The following PIGK variants were observed in gnomAD, a reference collection of about 807,000 sequenced individuals.
PIGK encodes the protein GPI-anchor transamidase.
In PIGK, 42 loss-of-function variants were observed where a neutral mutation model predicts 50.6. That is an observed-to-expected ratio of 0.83 (90% CI 0.65 to 1.07). The LOEUF (loss-of-function observed/expected upper bound fraction) is 1.07. Among genes scored for constraint, PIGK ranks in the 50% least tolerant of loss-of-function variants. The probability of loss-of-function intolerance (pLI) is 0.00; values close to 1 mark genes in which losing one functional copy is unlikely to be tolerated. For missense variants in PIGK, 448 were observed against 488.7 expected, an observed-to-expected ratio of 0.92 and a Z score of 0.78; for synonymous variants, 151 against 156.0, an observed-to-expected ratio of 0.97 and a Z score of 0.24.
intron 4 of PIGK, 51 bp downstream of exon 4, chr1:77,169,209 C>A (rs897605129): frequency 1.6e-6 from 2 of 1,224,258 alleles, no homozygotes; most frequent in African/African-American, 1.6e-5. Flanking sequence ...TGTTTTAGAG[C>A]CTAAAAGTAA....
intron 10 of PIGK, among the ~76,000 whole-genome samples, chr1:77,095,958 G>A (rs913755320): frequency 6.6e-6 from 1 of 152,008 alleles, no homozygotes; most frequent in Admixed American, 6.6e-5. Context: ...GGCTCTATGA[G>A]GAAAAATCCT....
At chr1:77,122,224 T>C (rs750897385) in intron 10 of PIGK, 51 bp downstream of exon 10, 10 of 1,170,668 alleles carry the variant, frequency 8.5e-6, no homozygotes, top group Middle Eastern at 3.9e-4. Flanking sequence ...CAATTACTTC[T>C]CAGCGATTAA....
At chr1:77,111,054 G>A (rs1268645449) in intron 10 of PIGK, among the ~76,000 whole-genome samples, 16 of 152,118 alleles carry the variant, frequency 1.1e-4, no homozygotes, top group Admixed American at 1.0e-3. Context: ...AAACCACAAT[G>A]AGATACCATC....
At chr1:77,174,231 G>A (rs1655430297) in intron 3 of PIGK, among the ~76,000 whole-genome samples, 1 of 152,158 alleles carries the variant, frequency 6.6e-6, no homozygotes, top group Admixed American at 6.5e-5. Context: ...GTTTTGCCTG[G>A]CTAAAGTGGG....
At chr1:77,213,899 T>C (rs941630334) in intron 1 of PIGK, among the ~76,000 whole-genome samples, 1 of 151,640 alleles carries the variant, frequency 6.6e-6, no homozygotes, top group Non-Finnish European at 1.5e-5. Context: ...GAGACTATTA[T>C]AAACAACTAT....
intron 3 of PIGK, among the ~76,000 whole-genome samples, chr1:77,184,790 G>A (rs1655701641): frequency 6.6e-6 from 1 of 152,144 alleles, no homozygotes; most frequent in Non-Finnish European, 1.5e-5. Context: ...TGACTGGTAG[G>A]GTGAGCACTA....
intron 3 of PIGK, among the ~76,000 whole-genome samples, chr1:77,191,517 C>T (rs1214595266): frequency 6.6e-6 from 1 of 152,180 alleles, no homozygotes; most frequent in Admixed American, 6.5e-5. Context: ...TAGGACTTGA[C>T]CACATCCTGA....
chr1:77,165,408 T>C (rs183072969), intron 5 of PIGK, among the ~76,000 whole-genome samples: 7 of 152,060 alleles, frequency 4.6e-5, no homozygotes, highest in African/African-American at 1.7e-4. Flanking sequence ...GCCTTGAAAG[T>C]TATAAATAAA....
intron 9 of PIGK, among the ~76,000 whole-genome samples, chr1:77,140,760 A>G (rs1654632315): frequency 6.6e-6 from 1 of 152,230 alleles, no homozygotes; most frequent in South Asian, 2.1e-4. Flanking sequence ...ATCATTTTCT[A>G]TGATTTAGAA....
At position 77,169,320 on chromosome 1, in the gene PIGK, G is replaced by A; in HGVS notation, c.315C>T (p.His105=). 1 of 1,600,712 alleles carries A rather than the reference G, an allele frequency of 6.2e-7. No homozygotes were observed. Among genetic ancestry groups the A allele is most frequent in the Non-Finnish European group, 8.5e-7 (1 of 1,170,946 alleles). Residue 105 remains histidine (H), a synonymous_variant, in exon 4 of 11, where the codon CAC becomes CAT. Transcript: ENST00000370812. ...CATACACATTTAGTTCCATATTCTT[G>A]TGACTAAACACTGTAGCTGGTTTGG... The part of the protein sequence containing the change: ...RNPKPATVFS[H]KNMELNVYGD...
intron 5 of PIGK, among the ~76,000 whole-genome samples, 173 bp downstream of exon 5, chr1:77,166,546 T>C (rs780042364): frequency 6.6e-6 from 1 of 152,134 alleles, no homozygotes; most frequent in African/African-American, 2.4e-5. Context: ...GCACAAAATG[T>C]TATACTGTTT....
At chr1:77,210,592 A>G in intron 1 of PIGK, 103 bp from the exon 2 acceptor site, 1 of 633,766 alleles carries the variant, frequency 1.6e-6, no homozygotes, top group East Asian at 3.1e-5. Flanking sequence ...TGTAATAACA[A>G]TCATCTTACG....
At chr1:77,194,005 C>T (rs904022472) in intron 3 of PIGK, among the ~76,000 whole-genome samples, 1 of 152,006 alleles carries the variant, frequency 6.6e-6, no homozygotes, top group African/African-American at 2.4e-5. Flanking sequence ...AAATAAACAA[C>T]CTTATTAAAA....
intron 3 of PIGK, among the ~76,000 whole-genome samples, chr1:77,184,595 T>C (rs1002645155): frequency 2.6e-5 from 4 of 152,126 alleles, no homozygotes; most frequent in South Asian, 2.1e-4. Flanking sequence ...CAAAACATCA[T>C]TGTGGTCCTC....
Position 77,178,191 on chromosome 1 carries a change from T to C in PIGK, c.240-8796A>G, listed in dbSNP as rs190614042. ...AAAAATGAAGGCCCAATGTACACGA[T>C]AAACTTTAATGGTATATACATTGCC... On this transcript the variant is annotated intron_variant, in intron 3 of 10. Coordinates refer to ENST00000370812, the MANE Select transcript of PIGK (RefSeq NM_005482.3). Among the ~76,000 whole-genome samples, 16 of 152,336 alleles carry C rather than the reference T, an allele frequency of 1.1e-4. No individual in the cohort carries two copies. In the East Asian group the frequency reaches 3.1e-3, roughly 29 times the overall value.
chr1:77,099,730 A>G (rs11806823), intron 10 of PIGK, among the ~76,000 whole-genome samples: 60,885 of 152,018 alleles, frequency 0.4, 14,690 homozygotes, highest in African/African-American at 0.66. Flanking sequence ...TGGCAGTATA[A>G]CTGCATTTGA....
In PIGK at chr1:77,210,459, G is replaced by A. The variant is rs769273282; in HGVS notation, c.124C>T (p.His42Tyr). 3.8e-6 allele frequency: 6 copies of A among 1,594,336 alleles called. No individual in the cohort carries two copies. The highest frequency in any genetic ancestry group is 5.1e-6 in the Non-Finnish European group (6 of 1,167,562). Residue 42 changes from histidine (H) to tyrosine (Y), a missense_variant, in exon 2 of 11, where the codon CAT becomes TAT. Coordinates refer to ENST00000370812, the MANE Select transcript of PIGK (RefSeq NM_005482.3). ...ACCAGAACAGCCCAGTTGTTTGTAT[G>A]GCCACTTCTAAAGAATTGTTCTGCT... ...DQAEQFFRSGHTNNWAVLVCT... is the reference protein window; with the variant it reads ...DQAEQFFRSGYTNNWAVLVCT...
chr1:77,144,863 G>T (rs1654732039), intron 9 of PIGK, among the ~76,000 whole-genome samples: 1 of 151,780 alleles, frequency 6.6e-6, no homozygotes, highest in East Asian at 1.9e-4. Flanking sequence ...TCATTTTAAT[G>T]AGCTTTTGAA....
chr1:77,144,086 G>A (rs1229979137), intron 9 of PIGK, among the ~76,000 whole-genome samples: 8 of 151,990 alleles, frequency 5.3e-5, no homozygotes, highest in South Asian at 4.1e-4. Flanking sequence ...GCTAGTAAAC[G>A]GCAGAGGATC....
Sources: allele counts gnomAD v4.1 joint callset (sites outside exome capture counted in the v4.1 genomes callset), GRCh38; gene constraint gnomAD v4.1.1; transcripts MANE v1.5; gene names NCBI Gene and HGNC (gene_info 2026-07-23, HGNC 2026-07-21).